Variants in RGS6 observed in about 807,000 individuals in gnomAD.
RGS6 encodes the protein regulator of G protein signaling 6, also known as regulator of G-protein signaling 6.
In RGS6, 30 loss-of-function variants were observed where a neutral mutation model predicts 78.5. The ratio of observed to expected loss-of-function variants is 0.38; its 90% confidence interval spans 0.29 to 0.52. The LOEUF is 0.52. RGS6 is among the 20% of genes least tolerant of loss of function. The pLI is 0.85. For missense variants in RGS6, 495 were observed against 609.7 expected (o/e 0.81, Z 1.98); for synonymous variants, 206 against 206.0 (o/e 1.00, Z 0.00).
chr14:72,578,510 T>A, the RGS6 span, among the ~76,000 whole-genome samples: 1 of 152,332 alleles, frequency 6.6e-6, no homozygotes, highest in East Asian at 1.9e-4. Flanking sequence ...GAAAAATATA[T>A]CTGTTTCCTG....
intron 6 of RGS6, among the ~76,000 whole-genome samples, chr14:72,460,504 G>A (rs892444250): frequency 2.0e-5 from 3 of 152,168 alleles, no homozygotes; most frequent in African/African-American, 7.2e-5. Context: ...TGACAGTTCT[G>A]GTTCTTTATT....
At chr14:72,029,125 T>C (rs1354446372) in intron 2 of RGS6, among the ~76,000 whole-genome samples, 1 of 152,214 alleles carries the variant, frequency 6.6e-6, no homozygotes, top group Non-Finnish European at 1.5e-5. Context: ...GTAAACACTA[T>C]TGAGTGTCAC....
intron 2 of RGS6, among the ~76,000 whole-genome samples, chr14:72,021,287 G>A (rs1333894792): frequency 1.3e-5 from 2 of 151,936 alleles, no homozygotes; most frequent in African/African-American, 4.8e-5. Flanking sequence ...CTGAATTCCT[G>A]TGCCAGCCTC....
At chr14:71,996,466 G>A (rs1454284711) in intron 2 of RGS6, among the ~76,000 whole-genome samples, 1 of 152,090 alleles carries the variant, frequency 6.6e-6, no homozygotes, top group African/African-American at 2.4e-5. Context: ...GAGAAACAGT[G>A]GGTGGAGCTG....
chr14:72,154,902 C>A (rs1025500856), intron 2 of RGS6, among the ~76,000 whole-genome samples: 1 of 152,216 alleles, frequency 6.6e-6, no homozygotes, highest in Non-Finnish European at 1.5e-5. Flanking sequence ...TGTTCCCAAG[C>A]AGCATGCTAA....
chr14:72,341,020 C>G (rs1031662441), intron 2 of RGS6, among the ~76,000 whole-genome samples: 4 of 152,080 alleles, frequency 2.6e-5, no homozygotes, highest in Non-Finnish European at 5.9e-5. Context: ...GCCTCGCAGC[C>G]TTGGAATGGG....
chr14:72,539,789 G>A (rs1023131916), intron 16 of RGS6, among the ~76,000 whole-genome samples: 1 of 152,154 alleles, frequency 6.6e-6, no homozygotes, highest in East Asian at 1.9e-4. Context: ...CATGGCCCCC[G>A]GAGAAGCAAA....
chr14:72,444,503 A>G (rs1183921875), intron 3 of RGS6, among the ~76,000 whole-genome samples: 1 of 152,000 alleles, frequency 6.6e-6, no homozygotes, highest in Non-Finnish European at 1.5e-5. Context: ...GAATTGCTTT[A>G]TCTTGGCTTT....
intron 2 of RGS6, among the ~76,000 whole-genome samples, chr14:72,237,417 T>C (rs937196669): frequency 1.3e-5 from 2 of 152,198 alleles, no homozygotes; most frequent in African/African-American, 4.8e-5. Flanking sequence ...ACTCAATGAA[T>C]GTATATATTG....
chr14:72,344,893 C>A (rs2077719542), intron 2 of RGS6, among the ~76,000 whole-genome samples: 1 of 152,158 alleles, frequency 6.6e-6, no homozygotes, highest in Non-Finnish European at 1.5e-5. Context: ...AGGGCCTGCC[C>A]AACCATCCTT....
At chr14:72,037,465 C>T (rs1006685113) in intron 2 of RGS6, among the ~76,000 whole-genome samples, 14 of 152,168 alleles carry the variant, frequency 9.2e-5, no homozygotes, top group Admixed American at 9.2e-4. Context: ...GAACAAACTC[C>T]AGACACACCA....
At position 72,052,967 on chromosome 14, in the gene RGS6, TTCTTTCTTTCTTTCTTTC is replaced by T. The variant is rs1161852523; in HGVS notation, c.84+88096_84+88113del. ...TTTCTTTCTTTCTTTCTTTCTTTCT[TTCTTTCTTTCTTTCTTTC>T]TCTCTCTCTCTCTCTCTCTCTTTCT... On this transcript the variant is annotated intron_variant, in intron 2 of 17. Coordinates refer to ENST00000553525, the MANE Select transcript of RGS6 (RefSeq NM_001204424.2). 2.4e-4 allele frequency among the ~76,000 whole-genome samples: 11 copies of T among 45,488 alleles called. No individual in the cohort carries two copies. In the East Asian group the frequency reaches 6.5e-3, roughly 27 times the overall value. The allele number at this position is 45,488 out of a possible 152,430, so 29.8% of individuals were successfully genotyped here. A position where few individuals can be genotyped will look rare whatever the true frequency, so the allele number is the denominator to read the frequency against.
chr14:72,437,686 C>G (rs2094996257), intron 3 of RGS6, among the ~76,000 whole-genome samples: 1 of 152,152 alleles, frequency 6.6e-6, no homozygotes, highest in Non-Finnish European at 1.5e-5. Flanking sequence ...AACAGAAGAC[C>G]GTTTCTCTTG....
chr14:72,530,213 C>A (rs1026590873), intron 15 of RGS6, among the ~76,000 whole-genome samples: 1 of 152,142 alleles, frequency 6.6e-6, no homozygotes, highest in African/African-American at 2.4e-5. Context: ...GAAGTCAGAA[C>A]AAGAAGCAGG....
At chr14:71,870,211 C>CT in the RGS6 span, among the ~76,000 whole-genome samples, 2 of 151,974 alleles carry the variant, frequency 1.3e-5, no homozygotes, top group Admixed American at 6.6e-5. Flanking sequence ...TTTCTTTTTT[C>CT]TTTTTTTCAT....
intron 3 of RGS6, among the ~76,000 whole-genome samples, chr14:72,402,519 A>G (rs557383885): frequency 4.6e-5 from 7 of 152,282 alleles, no homozygotes; most frequent in Non-Finnish European, 1.0e-4. Context: ...CAACATCACC[A>G]TCATCAGGGA....
intron 8 of RGS6, among the ~76,000 whole-genome samples, chr14:72,471,895 C>G (rs539344141): frequency 5.9e-5 from 9 of 152,330 alleles, no homozygotes; most frequent in African/African-American, 2.2e-4. Flanking sequence ...CTTCCAGAAT[C>G]AAACAGCATC....
chr14:72,120,778 A>G lies in RGS6; in HGVS notation c.84+155903A>G, dbSNP rs554121335. On this transcript the variant is annotated intron_variant, in intron 2 of 17. Transcript: ENST00000553525. ...CTAGGGGGAAAGAAATTAGGAAGTG[A>G]TGGCCTGGGTGGCAGGGAGGAGAAC... 9.4e-4 allele frequency among the ~76,000 whole-genome samples: 143 copies of G among 152,330 alleles called. 1 individual carries two copies. Among genetic ancestry groups the G allele is most frequent in the African/African-American group, 3.2e-3 (135 of 41,586 alleles).
chr14:72,424,116 C>T (rs1445591316), intron 3 of RGS6, among the ~76,000 whole-genome samples: 2 of 152,154 alleles, frequency 1.3e-5, no homozygotes, highest in Non-Finnish European at 1.5e-5. Flanking sequence ...GGGCTGCCAC[C>T]CTGCTTGGGG....
Sources: allele counts gnomAD v4.1 joint callset (sites outside exome capture counted in the v4.1 genomes callset), GRCh38; gene constraint gnomAD v4.1.1; transcripts MANE v1.5; gene names NCBI Gene and HGNC (gene_info 2026-07-23, HGNC 2026-07-21).